The following GPC5 variants were observed in gnomAD, a reference collection of about 807,000 sequenced individuals.
GPC5 encodes the protein glypican-5.
A neutral mutation model predicts 53.9 loss-of-function variants in GPC5; 47 were observed. The ratio of observed to expected loss-of-function variants is 0.87; its 90% CI spans 0.69 to 1.11. The LOEUF is 1.11. GPC5 is among the 50% of genes most tolerant of loss of function. The probability of loss-of-function intolerance (pLI) is 0.00; values close to 1 mark genes in which losing one functional copy is unlikely to be tolerated. For missense variants in GPC5, 748 were observed against 713.1 expected (o/e 1.05, Z -0.56); for synonymous variants, 286 against 263.3 (o/e 1.09, Z -0.84).
chr13:92,584,063 C>G (rs1294702368), intron 7 of GPC5, among the ~76,000 whole-genome samples: 2 of 152,096 alleles, frequency 1.3e-5, no homozygotes, highest in Admixed American at 1.3e-4. Context: ...ATGTCTTTAT[C>G]AGCAGCGTGA....
chr13:92,182,823 C>T (rs986408565), intron 7 of GPC5, among the ~76,000 whole-genome samples: 1 of 151,046 alleles, frequency 6.6e-6, no homozygotes, highest in African/African-American at 2.4e-5. Flanking sequence ...GAGCCGAGAT[C>T]GTGCCACTGC....
At chr13:91,689,191 AT>A (rs2139785234) in intron 2 of GPC5, among the ~76,000 whole-genome samples, 1 of 78,766 alleles carries the variant, frequency 1.3e-5, no homozygotes, top group African/African-American at 7.6e-5. Context: ...ATAAATATAT[AT>A]ATATATATAT....
chr13:92,627,802 G>A (rs1360764192), intron 7 of GPC5, among the ~76,000 whole-genome samples: 1 of 152,114 alleles, frequency 6.6e-6, no homozygotes, highest in African/African-American at 2.4e-5. Context: ...ACAAATATAT[G>A]TTCTCCTATC....
At chr13:91,717,358 T>C (rs1006853046) in intron 3 of GPC5, among the ~76,000 whole-genome samples, 1 of 152,188 alleles carries the variant, frequency 6.6e-6, no homozygotes, top group Non-Finnish European at 1.5e-5. Flanking sequence ...TGATCAGAAC[T>C]GTGCTTTAGG....
chr13:91,439,300 C>G (rs768814379), intron 1 of GPC5, among the ~76,000 whole-genome samples: 5 of 152,200 alleles, frequency 3.3e-5, no homozygotes, highest in Admixed American at 2.6e-4. Context: ...AGGAATGCTG[C>G]TAAGCATCTT....
At chr13:92,527,958 A>G (rs762878842) in intron 7 of GPC5, among the ~76,000 whole-genome samples, 3 of 152,178 alleles carry the variant, frequency 2.0e-5, no homozygotes, top group African/African-American at 7.2e-5. Flanking sequence ...ATCATTAGGT[A>G]GTTACCCACC....
chr13:92,672,173 TC>T (rs1886776181), intron 7 of GPC5, among the ~76,000 whole-genome samples: 1 of 152,144 alleles, frequency 6.6e-6, no homozygotes, highest in Admixed American at 6.6e-5. Context: ...GCTCAATTTC[TC>T]CCAACCTCAT....
intron 5 of GPC5, among the ~76,000 whole-genome samples, chr13:91,891,695 G>A (rs191990367): frequency 1.4e-4 from 21 of 152,152 alleles, no homozygotes; most frequent in East Asian, 9.7e-4. Flanking sequence ...AATCAACAAC[G>A]TTTCAAATAA....
chr13:92,532,517 A>C (rs187299247), intron 7 of GPC5, among the ~76,000 whole-genome samples: 20 of 152,312 alleles, frequency 1.3e-4, no homozygotes, highest in African/African-American at 4.8e-4. Context: ...ATCCCAAAGA[A>C]ATACAAAACA....
At chr13:91,914,672 C>CTTATTATATAATAAATATAA (rs2039641994) in intron 6 of GPC5, among the ~76,000 whole-genome samples, 2 of 27,248 alleles carry the variant, frequency 7.3e-5, no homozygotes, top group South Asian at 4.1e-3. Flanking sequence ...TCTTAGGATA[C>CTTATTATATAATAAATATAA]CGATATAATA....
chr13:91,467,923 T>C (rs1566425709), intron 2 of GPC5, among the ~76,000 whole-genome samples: 1 of 152,190 alleles, frequency 6.6e-6, no homozygotes, highest in East Asian at 1.9e-4. Flanking sequence ...AGACAGGTTT[T>C]GGTCAGGATT....
At chr13:92,853,843 A>G (rs1309841224) in intron 7 of GPC5, among the ~76,000 whole-genome samples, 1 of 152,142 alleles carries the variant, frequency 6.6e-6, no homozygotes, top group Non-Finnish European at 1.5e-5. Flanking sequence ...CCAGCACAGA[A>G]TATCCAATAG....
chr13:92,613,377 A>G lies in GPC5; in HGVS notation c.1562-252905A>G, dbSNP rs1489235137. Among the ~76,000 whole-genome samples, 119 of 72,684 alleles carry G rather than the reference A, an allele frequency of 1.6e-3. 1 individual carries two copies. The highest frequency in any genetic ancestry group is 5.9e-3 in the African/African-American group (115 of 19,604). The allele number at this position is 72,684 out of a possible 152,430, so 47.7% of individuals were successfully genotyped here. ...ATATATAATATATTTATATATAAAT[A>G]TATTATATTATATATAAATATATAT... On this transcript the variant is annotated intron_variant, in intron 7 of 7. Transcript: ENST00000377067.
chr13:92,473,426 T>C (rs1457624758), intron 7 of GPC5, among the ~76,000 whole-genome samples: 1 of 152,104 alleles, frequency 6.6e-6, no homozygotes, highest in East Asian at 1.9e-4. Context: ...GGCCACAGAA[T>C]AGACAAGAAT....
At chr13:91,726,928 C>T (rs532794279) in intron 3 of GPC5, among the ~76,000 whole-genome samples, 2 of 152,280 alleles carry the variant, frequency 1.3e-5, no homozygotes, top group African/African-American at 2.4e-5. Context: ...AGCTCGGTAT[C>T]CAAGTCGTAT....
chr13:92,024,249 C>A (rs2040783085), intron 6 of GPC5, among the ~76,000 whole-genome samples: 1 of 152,006 alleles, frequency 6.6e-6, no homozygotes, highest in Admixed American at 6.6e-5. Flanking sequence ...GGAAACTTTT[C>A]TTTTTGTTTT....
chr13:91,796,388 C>A (rs539651717), intron 5 of GPC5, among the ~76,000 whole-genome samples: 17 of 152,072 alleles, frequency 1.1e-4, no homozygotes, highest in Non-Finnish European at 2.4e-4. Flanking sequence ...TGGTGGACAG[C>A]GAGCCAAAGC....
At position 92,758,484 on chromosome 13, in the gene GPC5, A is replaced by T. The variant is rs572074297; in HGVS notation, c.1562-107798A>T. Among the ~76,000 whole-genome samples the T allele has an allele frequency of 8.5e-5, 13 of 152,266 alleles. 1 individual carries two copies. Among genetic ancestry groups the T allele is most frequent in the Admixed American group, 1.3e-4 (2 of 15,282 alleles). The stretch of plus-strand genomic sequence containing the variant: ...AAAACTTAAAGTATAATAATAATAA[A>T]AAAAAGAATATTTTCTGTTATATAG... On this transcript the variant is annotated intron_variant, in intron 7 of 7. Coordinates refer to ENST00000377067, the MANE Select transcript of GPC5 (RefSeq NM_004466.6).
At chr13:92,481,966 T>C (rs1156671482) in intron 7 of GPC5, among the ~76,000 whole-genome samples, 1 of 151,844 alleles carries the variant, frequency 6.6e-6, no homozygotes, top group Non-Finnish European at 1.5e-5. Context: ...GCATCTCTAC[T>C]AAAAATACAA....
Sources: gnomAD v4.1 joint callset for allele counts (sites outside exome capture counted in the v4.1 genomes callset) on GRCh38, gnomAD v4.1.1 for gene constraint, MANE v1.5 for transcripts, NCBI Gene and HGNC (gene_info 2026-07-23, HGNC 2026-07-21) for gene names.